NRL: variants seen among roughly 807,000 people sequenced by gnomAD.
NRL encodes the protein neural retina leucine zipper, also known as neural retina-specific leucine zipper protein.
In NRL, 16 loss-of-function variants were observed where a neutral mutation model predicts 12.5. That is an observed-to-expected ratio of 1.28 (90% CI 0.87 to 1.95). The LOEUF is 1.95. Among genes scored for constraint, NRL ranks in the 30% most tolerant of loss-of-function variants. The pLI is 0.00. For synonymous variants in NRL, 142 were observed against 150.9 expected (o/e 0.94, Z 0.43); for missense variants, 314 against 325.8 (o/e 0.96, Z 0.28).
chr14:24,098,756 C>T, intron 1 of NRL: 5 of 1,256,836 alleles, frequency 4.0e-6, no homozygotes, highest in South Asian at 1.3e-5. Flanking sequence ...TACCTCTCCA[C>T]AGACCCTAAG....
intron 1 of NRL, among the ~76,000 whole-genome samples, chr14:24,087,036 G>A (rs2036482822): frequency 6.6e-6 from 1 of 152,346 alleles, no homozygotes; most frequent in East Asian, 1.9e-4. Context: ...ATCTAGGGAT[G>A]AAAAAGATGA....
At chr14:24,097,567 A>G (rs1443944494) in intron 1 of NRL, among the ~76,000 whole-genome samples, 2 of 138,304 alleles carry the variant, frequency 1.4e-5, no homozygotes, top group African/African-American at 5.2e-5. Flanking sequence ...TCTGTCTCAA[A>G]AAAAAAAAAG....
At chr14:24,103,191 GC>G in intron 1 of NRL, 1 of 1,614,088 alleles carries the variant, frequency 6.2e-7, no homozygotes, top group Non-Finnish European at 8.5e-7. Context: ...CCTTCAACTG[GC>G]GTCATGGGGT....
chr14:24,109,999 G>A (rs2037394683), intron 1 of NRL, among the ~76,000 whole-genome samples: 1 of 152,144 alleles, frequency 6.6e-6, no homozygotes, highest in African/African-American at 2.4e-5. Flanking sequence ...TCGTTTTTCT[G>A]GACCTCAGGT....
chr14:24,106,934 A>G (rs2138989413), intron 1 of NRL, among the ~76,000 whole-genome samples: 1 of 152,208 alleles, frequency 6.6e-6, no homozygotes, highest in South Asian at 2.1e-4. Flanking sequence ...TCTTGTTGGG[A>G]AGATTAAAAG....
Position 24,081,144 on chromosome 14 carries a change from G to C in NRL, c.*92C>G. ...CAGGGCGTGGCTAGGACCAGAAGGCGCTCTGGTAACGATGCAGAGAACCGT... is the reference window on the plus strand; with the variant it reads ...CAGGGCGTGGCTAGGACCAGAAGGCCCTCTGGTAACGATGCAGAGAACCGT... On this transcript the variant is annotated 3_prime_UTR_variant, in exon 3 of 3. Transcript: ENST00000561028. The surrounding 1 kb of genome is among the most constrained non-coding windows in gnomAD (Gnocchi z 4.4). 1 of 902,728 alleles carries C rather than the reference G, an allele frequency of 1.1e-6. No homozygotes were observed. Among genetic ancestry groups the C allele is most frequent in the Middle Eastern group, 2.5e-4 (1 of 3,922 alleles). 55.9% of individuals were successfully genotyped at this position (902,728 alleles called of 1,614,324 possible). A position where few individuals can be genotyped will look rare whatever the true frequency, so the allele number is the denominator to read the frequency against.
intron 1 of NRL, chr14:24,096,815 GC>G: frequency 7.4e-7 from 1 of 1,345,786 alleles, no homozygotes; most frequent in African/African-American, 1.4e-5. Context: ...TGCAGCCCAA[GC>G]TTTCTGTCTC....
intron 1 of NRL, chr14:24,103,343 C>T: frequency 1.6e-6 from 2 of 1,213,366 alleles, no homozygotes; most frequent in Non-Finnish European, 2.4e-6. Flanking sequence ...CTTTTGTCCA[C>T]CCCTGGAGTC....
At position 24,094,881 on chromosome 14, in the gene NRL, C is replaced by A; in HGVS notation, c.-27-12006G>T. The A allele has an allele frequency of 7.9e-7, 1 of 1,273,328 alleles. No homozygotes were observed. Among genetic ancestry groups the A allele is most frequent in the Non-Finnish European group, 1.0e-6 (1 of 972,408 alleles). The allele number at this position is 1,273,328 out of a possible 1,614,324, so 78.9% of individuals were successfully genotyped here. ...CCCGGGAGACTAAGCTCAGAGCCCCCTAAAGAAGGTGGAAGGTTAAATATC... is the reference window on the plus strand; with the variant it reads ...CCCGGGAGACTAAGCTCAGAGCCCCATAAAGAAGGTGGAAGGTTAAATATC... On this transcript the variant is annotated intron_variant, in intron 1 of 2. Transcript: ENST00000561028. This position sits in a 1 kb window ranked among gnomAD's most constrained non-coding sequence, Gnocchi z 4.1.
intron 1 of NRL, chr14:24,103,859 G>A: frequency 6.2e-7 from 1 of 1,614,170 alleles, no homozygotes; most frequent in Non-Finnish European, 8.5e-7. Context: ...GGGAACAGGA[G>A]GTTCGTGACA....
At chr14:24,107,075 C>T (rs1248026686) in intron 1 of NRL, among the ~76,000 whole-genome samples, 1 of 152,130 alleles carries the variant, frequency 6.6e-6, no homozygotes, top group African/African-American at 2.4e-5. Context: ...ATATTGCTGA[C>T]TCTACAGTTT....
chr14:24,104,083 C>T lies in NRL; in HGVS notation c.-28+10639G>A, dbSNP rs569631551. ...ACATCTTCAATGTGCCATAGACCTT[C>T]CCACAAAGACTGTCCAATAATAAGA... On this transcript the variant is annotated intron_variant, in intron 1 of 2. Transcript: ENST00000561028. 1,678 of 668,346 alleles carry T rather than the reference C, an allele frequency of 2.5e-3. 44 individuals carry two copies. In the South Asian group the frequency reaches 0.03, roughly 12 times the overall value. The allele number at this position is 668,346 out of a possible 1,614,324, so 41.4% of individuals were successfully genotyped here.
chr14:24,096,804 C>T (rs547187175), intron 1 of NRL: 1 of 1,186,394 alleles, frequency 8.4e-7, no homozygotes, highest in African/African-American at 1.5e-5. Flanking sequence ...TTTTAGCAGG[C>T]TGCAGCCCAA....
At chr14:24,099,149 C>T (rs1401839142) in intron 1 of NRL, 3 of 1,611,390 alleles carry the variant, frequency 1.9e-6, no homozygotes, top group Admixed American at 3.3e-5. Flanking sequence ...GCTATGGTGG[C>T]AACTCCCTGC....
At chr14:24,097,066 T>C (rs1305390963) in intron 1 of NRL, 2 of 1,613,108 alleles carry the variant, frequency 1.2e-6, no homozygotes, top group Non-Finnish European at 1.7e-6. Flanking sequence ...GAACTGAGGC[T>C]GAGAATACTG....
chr14:24,082,040 A>C, intron 2 of NRL: 1 of 1,201,778 alleles, frequency 8.3e-7, no homozygotes, highest in Admixed American at 4.1e-5. Flanking sequence ...TAATAGGATG[A>C]GTCCCAATCC....
At position 24,094,865 on chromosome 14, in the gene NRL, CTA is replaced by C; in HGVS notation, c.-27-11992_-27-11991del. 2 of 1,299,890 alleles carry C rather than the reference CTA, an allele frequency of 1.5e-6. No individual in the cohort carries two copies. Among genetic ancestry groups the C allele is most frequent in the Non-Finnish European group, 1.0e-6 (1 of 994,618 alleles). 80.5% of individuals were successfully genotyped at this position (1,299,890 alleles called of 1,614,324 possible). On this transcript the variant is annotated intron_variant, in intron 1 of 2. Coordinates refer to ENST00000561028, the MANE Select transcript of NRL (RefSeq NM_001354768.3). This position sits in a 1 kb window ranked among gnomAD's most constrained non-coding sequence, Gnocchi z 4.1. ...ACAAGGGTACGTGAGCCCCGGGAGA[CTA>C]AGCTCAGAGCCCCCTAAAGAAGGTG... is the stretch of plus-strand genomic sequence containing the variant.
chr14:24,099,875 C>T, intron 1 of NRL: 1 of 1,585,104 alleles, frequency 6.3e-7, no homozygotes, highest in Non-Finnish European at 8.7e-7. Flanking sequence ...GAGAGACAGC[C>T]TTTCCTCATC....
At chr14:24,113,795 G>A (rs540768063) in intron 1 of NRL, among the ~76,000 whole-genome samples, 3 of 152,356 alleles carry the variant, frequency 2.0e-5, no homozygotes, top group African/African-American at 7.2e-5. Context: ...GGCCCCAGGA[G>A]GGCCCAAGAA....
Sources: allele counts gnomAD v4.1 joint callset (sites outside exome capture counted in the v4.1 genomes callset), GRCh38; gene constraint gnomAD v4.1.1; non-coding constraint Gnocchi (gnomAD v3.1); transcripts MANE v1.5; gene names NCBI Gene and HGNC (gene_info 2026-07-23, HGNC 2026-07-21).